Variants in TWIST2 observed in about 807,000 individuals in gnomAD.
TWIST2 encodes twist family bHLH transcription factor 2, also known as twist-related protein 2.
A neutral mutation model predicts 11.6 loss-of-function variants in TWIST2; 1 was observed. The observed-to-expected ratio is 0.09, with a 90% CI of 0.03 to 0.41. The LOEUF is 0.41. Among genes scored for constraint, TWIST2 ranks in the 10% least tolerant of loss-of-function variants. TWIST2 has a pLI of 0.98. For missense variants in TWIST2, 168 were observed against 226.4 expected, an observed-to-expected ratio of 0.74 and a Z score of 1.66; for synonymous variants, 87 against 96.6, an observed-to-expected ratio of 0.90 and a Z score of 0.58.
At chr2:238,871,578 C>T (rs1220162627) in intron 1 of TWIST2, among the ~76,000 whole-genome samples, 1 of 126,300 alleles carries the variant, frequency 7.9e-6, no homozygotes, top group Non-Finnish European at 1.7e-5. Context: ...ACACCCCACT[C>T]TGACACACAC....
intron 1 of TWIST2, among the ~76,000 whole-genome samples, chr2:238,868,060 A>G (rs142190476): frequency 6.6e-6 from 1 of 152,358 alleles, no homozygotes; most frequent in African/African-American, 2.4e-5. Context: ...CACTGCAGTT[A>G]GGAAGGTGGC....
chr2:238,907,758 A>C (rs1039650853), intron 1 of TWIST2, among the ~76,000 whole-genome samples: 44 of 58,858 alleles, frequency 7.5e-4, no homozygotes, highest in Non-Finnish European at 3.5e-4. Context: ...CACACACACA[A>C]AAACACACAA....
At chr2:238,881,042 CTATT>C (rs1225371905) in intron 1 of TWIST2, among the ~76,000 whole-genome samples, 11 of 86,036 alleles carry the variant, frequency 1.3e-4, no homozygotes, top group South Asian at 4.7e-4. Context: ...GTATTAGTTA[CTATT>C]TATTAGTGTC....
At chr2:238,905,006 A>G (rs1457541549) in intron 1 of TWIST2, among the ~76,000 whole-genome samples, 3 of 151,752 alleles carry the variant, frequency 2.0e-5, no homozygotes, top group East Asian at 3.9e-4. Context: ...GAAAGAAAAG[A>G]AAGGAAGGAA....
Position 238,848,607 on chromosome 2 carries a change from C to T in TWIST2, c.392C>T (p.Thr131Ile). The T allele has an allele frequency of 6.4e-7, 1 of 1,556,788 alleles. No individual in the cohort carries two copies. The highest frequency in any genetic ancestry group is 1.9e-5 in the Admixed American group (1 of 52,952). The change falls in exon 1 of 2, where the codon ACC becomes ATC. Residue 131 changes from threonine (T) to isoleucine (I), a missense_variant. Thr to Ile is a moderately conservative substitution (Grantham distance 89, BLOSUM62 -1). Coordinates refer to ENST00000612363, the MANE Select transcript of TWIST2 (RefSeq NM_001271893.4). ...LQSDEMDNKM[T>I]SCSYVAHERL... The stretch of plus-strand genomic sequence containing the variant: ...AGCGACGAGATGGACAATAAGATGA[C>T]CAGCTGCAGCTACGTGGCCCACGAG...
intron 1 of TWIST2, among the ~76,000 whole-genome samples, chr2:238,905,925 G>GTA (rs1693341554): frequency 1.8e-5 from 2 of 111,766 alleles, no homozygotes; most frequent in African/African-American, 8.4e-5. Flanking sequence ...GTGCAGGTGT[G>GTA]CGTGTGCGCG....
intron 1 of TWIST2, among the ~76,000 whole-genome samples, chr2:238,871,154 C>CCACACCCCA (rs1559274755): frequency 1.7e-4 from 2 of 12,076 alleles, no homozygotes; most frequent in African/African-American, 3.4e-4. Flanking sequence ...CCCACACACA[C>CCACACCCCA]CACACACCCC....
chr2:238,908,864 GTGTGGTGTGTTT>G (rs1693401672), intron 1 of TWIST2, among the ~76,000 whole-genome samples: 9 of 107,016 alleles, frequency 8.4e-5, no homozygotes, highest in East Asian at 3.0e-4. Flanking sequence ...GTGTGGGAGG[GTGTGGTGTGTTT>G]GTGTGGTGTG....
chr2:238,848,432 G>A lies in TWIST2; in HGVS notation c.217G>A (p.Val73Met). 6.5e-7 allele frequency: 1 copy of A among 1,544,898 alleles called. No homozygotes were observed. ...GCAGAGCCAGCGCATCCTGGCCAAC[G>A]TGCGCGAGCGCCAGCGCACCCAGTC... ...ELQSQRILAN[V>M]RERQRTQSLN... The change falls in exon 1 of 2, where the codon GTG becomes ATG. Residue 73 changes from valine to methionine, a missense_variant. Val to Met is a conservative substitution (Grantham distance 21). Transcript: ENST00000612363.
At chr2:238,874,992 A>C (rs1559276585) in intron 1 of TWIST2, among the ~76,000 whole-genome samples, 2 of 152,184 alleles carry the variant, frequency 1.3e-5, no homozygotes. Context: ...GAACAAAAAC[A>C]ATGAAGTTGA....
chr2:238,879,615 T>A (rs2106363707), intron 1 of TWIST2, among the ~76,000 whole-genome samples: 1 of 152,294 alleles, frequency 6.6e-6, no homozygotes, highest in African/African-American at 2.4e-5. Context: ...GCAAATCACT[T>A]GCCCAGAAAC....
intron 1 of TWIST2, among the ~76,000 whole-genome samples, chr2:238,859,930 C>G (rs552611270): frequency 6.6e-6 from 1 of 152,114 alleles, no homozygotes; most frequent in African/African-American, 2.4e-5. Flanking sequence ...CTCTGGGGGC[C>G]GAGGCAGAGA....
chr2:238,885,577 G>A (rs550026622), intron 1 of TWIST2, among the ~76,000 whole-genome samples: 1 of 152,240 alleles, frequency 6.6e-6, no homozygotes, highest in African/African-American at 2.4e-5. Context: ...AGCAGAGCAG[G>A]AGAGATTCCA....
chr2:238,854,341 G>T (rs1307526488), intron 1 of TWIST2, among the ~76,000 whole-genome samples: 1 of 152,188 alleles, frequency 6.6e-6, no homozygotes, highest in Non-Finnish European at 1.5e-5. Context: ...TTTGACAGAC[G>T]GTTCACCTCT....
chr2:238,859,279 C>T (rs1232075734), intron 1 of TWIST2, among the ~76,000 whole-genome samples: 2 of 151,324 alleles, frequency 1.3e-5, no homozygotes, highest in African/African-American at 2.4e-5. Context: ...TTATGCTAAG[C>T]TCAAGAAGCC....
At chr2:238,897,403 C>T (rs1693219179) in intron 1 of TWIST2, among the ~76,000 whole-genome samples, 1 of 152,154 alleles carries the variant, frequency 6.6e-6, no homozygotes, top group African/African-American at 2.4e-5. Flanking sequence ...CCAAGGACAC[C>T]TGCCTTTTTA....
chr2:238,865,045 G>T (rs138191978), intron 1 of TWIST2, among the ~76,000 whole-genome samples: 4,184 of 152,250 alleles, frequency 0.027, 143 homozygotes, highest in East Asian at 0.13. Flanking sequence ...GCCACACGGG[G>T]TCACTCCACT....
intron 1 of TWIST2, among the ~76,000 whole-genome samples, chr2:238,899,038 C>T (rs1172592650): frequency 5.3e-5 from 8 of 152,368 alleles, no homozygotes; most frequent in East Asian, 3.9e-4. Context: ...TGCTGCCCTC[C>T]GGCGTCTGAC....
At chr2:238,881,006 A>G (rs1328442762) in intron 1 of TWIST2, among the ~76,000 whole-genome samples, 8 of 91,162 alleles carry the variant, frequency 8.8e-5, no homozygotes, top group Admixed American at 7.8e-4. Flanking sequence ...ATTTATTAGC[A>G]TTAGTGTTAG....
Sources: gnomAD v4.1 joint callset for allele counts (sites outside exome capture counted in the v4.1 genomes callset) on GRCh38, gnomAD v4.1.1 for gene constraint, MANE v1.5 for transcripts, NCBI Gene and HGNC (gene_info 2026-07-23, HGNC 2026-07-21) for gene names.